Variants in CHD8 observed in about 807,000 individuals in gnomAD.
CHD8 encodes chromodomain helicase DNA binding protein 8.
A neutral mutation model predicts 279.2 loss-of-function variants in CHD8; 31 were observed. That is an observed-to-expected ratio of 0.11 (90% CI 0.08 to 0.15). The LOEUF is 0.15. Among genes scored for constraint, CHD8 ranks in the 10% least tolerant of loss-of-function variants. CHD8 has a pLI of 1.00. For missense variants in CHD8, 2,146 were observed against 3,230.5 expected (o/e 0.66, Z 8.14); for synonymous variants, 1,081 against 1,139.6 (o/e 0.95, Z 1.04).
intron 10 of CHD8, among the ~76,000 whole-genome samples, chr14:21,412,563 ATATTCACAAATTTAGG>A (rs1285499696): frequency 6.6e-6 from 1 of 152,160 alleles, no homozygotes; most frequent in Non-Finnish European, 1.5e-5. Context: ...AAGTATTTTT[ATATTCACAAATTTAGG>A]AATTTGTGAA....
At chr14:21,447,548 T>C (rs765233397) in intron 1 of CHD8, among the ~76,000 whole-genome samples, 19 of 152,170 alleles carry the variant, frequency 1.2e-4, no homozygotes, top group Non-Finnish European at 2.4e-4. Flanking sequence ...ATTTTTGTAT[T>C]TTTAGTAGAG....
intron 37 of CHD8, among the ~76,000 whole-genome samples, chr14:21,388,174 G>C (rs1407319838): frequency 6.6e-6 from 1 of 152,116 alleles, no homozygotes; most frequent in Non-Finnish European, 1.5e-5. Context: ...CTTGTTAAAT[G>C]CAAAATATTG....
intron 5 of CHD8, among the ~76,000 whole-genome samples, chr14:21,425,102 C>T (rs1055900272): frequency 7.2e-5 from 11 of 152,118 alleles, no homozygotes; most frequent in African/African-American, 2.2e-4. Flanking sequence ...TCTCTTCCAA[C>T]GTCCCTCATC....
In CHD8 at chr14:21,405,211, T is replaced by A. The variant is rs369247427; in HGVS notation, c.3305A>T (p.Asn1102Ile). 36 of 1,613,618 alleles carry A rather than the reference T, an allele frequency of 2.2e-5. No individual in the cohort carries two copies. The highest frequency in any genetic ancestry group is 3.1e-5 in the Non-Finnish European group (36 of 1,179,756). Residue 1102 changes from asparagine to isoleucine, a missense_variant and splice_region_variant, in exon 16 of 38, where the codon AAT becomes ATT. By Grantham distance (149) the Asn-to-Ile change is moderately radical. Transcript: ENST00000646647. This position sits in a 1 kb window ranked among gnomAD's most constrained non-coding sequence, Gnocchi z 4.2. ...GTATATACCAAGCATTCCCTCACCA[T>A]TGATGAGATATGGGTGGTTGCAGCA... ...RKCCNHPYLINGAEEKILTEF... is the reference protein window; with the variant it reads ...RKCCNHPYLIIGAEEKILTEF...
At chr14:21,454,197 G>A (rs1350860437) in intron 1 of CHD8, among the ~76,000 whole-genome samples, 4 of 148,924 alleles carry the variant, frequency 2.7e-5, no homozygotes, top group African/African-American at 7.7e-5. Flanking sequence ...GAAAAGAAAA[G>A]AAAAGAAAAG....
intron 1 of CHD8, chr14:21,437,167 C>A: frequency 9.1e-7 from 1 of 1,102,804 alleles, no homozygotes; most frequent in African/African-American, 1.6e-5. Flanking sequence ...TGTGCCTCAC[C>A]CCAGTGGAGG....
At chr14:21,417,184 T>C (rs1420065420) in intron 5 of CHD8, among the ~76,000 whole-genome samples, 1 of 152,228 alleles carries the variant, frequency 6.6e-6, no homozygotes, top group Non-Finnish European at 1.5e-5. Flanking sequence ...TAAGAATTCA[T>C]ACATTTTTGG....
At chr14:21,437,007 T>A in intron 1 of CHD8, 1 of 1,238,588 alleles carries the variant, frequency 8.1e-7, no homozygotes. Context: ...GCACTTGAGG[T>A]AAGGAGCTAG....
intron 8 of CHD8, 83 bp from the exon 9 acceptor site, chr14:21,414,501 A>G (rs2139496225): frequency 1.4e-6 from 1 of 722,522 alleles, no homozygotes; most frequent in East Asian, 2.7e-5. Flanking sequence ...ATTAGTCAGA[A>G]GCAGACATAA....
chr14:21,393,886 G>C lies in CHD8; in HGVS notation c.5909C>G (p.Ala1970Gly), dbSNP rs770184277. The change falls in exon 32 of 38, where the codon GCA becomes GGA. Residue 1970 changes from alanine (A) to glycine (G), a missense_variant. This residue lies in a region of CHD8 where 513 missense variants were observed against 637.6 expected (regional missense o/e 0.80). Coordinates refer to ENST00000646647, the MANE Select transcript of CHD8 (RefSeq NM_001170629.2). Reference sequence around the variant, plus strand: ...TGACAAGGATGGAGCTGGTGCTCCTGCTTGATGGTTCTGCATATAATTCAT... The same window carrying C: ...TGACAAGGATGGAGCTGGTGCTCCTCCTTGATGGTTCTGCATATAATTCAT... ...ARMNYMQNHQ[A>G]GAPAPSLSRC... 3.1e-6 allele frequency: 5 copies of C among 1,613,844 alleles called. No homozygotes were observed. In the Admixed American group the frequency reaches 8.3e-5, roughly 27 times the overall value.
chr14:21,452,517 C>T (rs565265372), intron 1 of CHD8, among the ~76,000 whole-genome samples: 4 of 151,724 alleles, frequency 2.6e-5, no homozygotes, highest in South Asian at 4.2e-4. Flanking sequence ...TGGTGGCACA[C>T]GCCTTAACCC....
At chr14:21,404,330 C>T (rs1284637036) in intron 16 of CHD8, among the ~76,000 whole-genome samples, 1 of 142,642 alleles carries the variant, frequency 7.0e-6, no homozygotes. Context: ...ACCTGGGAGG[C>T]AGAGTTGCAG....
intron 5 of CHD8, chr14:21,419,728 CAG>C (rs1888929901): frequency 7.7e-5 from 19 of 247,608 alleles, no homozygotes; most frequent in Middle Eastern, 6.6e-4. Context: ...CCCAGGGGCA[CAG>C]TCTTCAGCAC....
At chr14:21,440,141 A>C (rs1889918977) in intron 1 of CHD8, among the ~76,000 whole-genome samples, 1 of 152,204 alleles carries the variant, frequency 6.6e-6, no homozygotes, top group Non-Finnish European at 1.5e-5. Context: ...ACAAGGTGAC[A>C]CATTCAATAA....
At chr14:21,454,189 A>AAAGAC (rs1890328035) in intron 1 of CHD8, among the ~76,000 whole-genome samples, 1 of 149,594 alleles carries the variant, frequency 6.7e-6, no homozygotes, top group African/African-American at 2.5e-5. Context: ...AAAGAAAAGA[A>AAAGAC]AAGAAAAGAA....
Position 21,408,551 on chromosome 14 carries a change from T to C in CHD8, c.2491A>G (p.Asn831Asp). The change falls in exon 13 of 38, where the codon AAC becomes GAC. Residue 831 changes from asparagine (N) to aspartate (D), a missense_variant. Around this residue, in one of 26 missense-constraint regions of CHD8, gnomAD observed 211 missense variants for 464.7 expected, o/e 0.45. Coordinates refer to ENST00000646647, the MANE Select transcript of CHD8 (RefSeq NM_001170629.2). The surrounding 1 kb of genome is among the most constrained non-coding windows in gnomAD (Gnocchi z 4.3). Reference sequence around the variant, plus strand: ...CCCATCTCATCAGCCAGGATGCAGTTCTGCCTGCAGATTCACCATGGGAAA... The same window carrying C: ...CCCATCTCATCAGCCAGGATGCAGTCCTGCCTGCAGATTCACCATGGGAAA... ...WLLFNWYNRQ[N>D]CILADEMGLG... 1 of 1,612,098 alleles carries C rather than the reference T, an allele frequency of 6.2e-7. No homozygotes were observed. Among genetic ancestry groups the C allele is most frequent in the Non-Finnish European group, 8.5e-7 (1 of 1,178,580 alleles).
chr14:21,400,935 C>T lies in CHD8; in HGVS notation c.4310G>A (p.Arg1437His), dbSNP rs1176349106. Residue 1437 changes from arginine (R) to histidine (H), a missense_variant, in exon 22 of 38, where the codon CGT becomes CAT. Coordinates refer to ENST00000646647, the MANE Select transcript of CHD8 (RefSeq NM_001170629.2). The surrounding 1 kb of genome is among the most constrained non-coding windows in gnomAD (Gnocchi z 4.2). ...DERPRSRRHD[R>H]HHAYGRTDCF... ...GTCAGTGCGCCCATAGGCATGATGA[C>T]GGTCATGTCTGCGGGAGCGTGGCCG... The T allele has an allele frequency of 4.3e-6, 7 of 1,613,660 alleles. No homozygotes were observed. The highest frequency in any genetic ancestry group is 1.1e-5 in the South Asian group (1 of 91,054).
chr14:21,386,484 T>C (rs1887242480), intron 37 of CHD8: 1 of 393,900 alleles, frequency 2.5e-6, no homozygotes, highest in African/African-American at 2.0e-5. Flanking sequence ...ATTTCACAAA[T>C]GCTTACCTTT....
Position 21,424,463 on chromosome 14 carries a change from ATTC to A in CHD8, c.1716+1662_1716+1664del, listed in dbSNP as rs932211763. On this transcript the variant is annotated intron_variant, in intron 5 of 37. Coordinates refer to ENST00000646647, the MANE Select transcript of CHD8 (RefSeq NM_001170629.2). ...TTTCCTTTTTAAAACTTTCTCGACTATTCTTTTGTTTTGTTTTGTTTTTTTGAG... is the reference window on the plus strand; with the variant it reads ...TTTCCTTTTTAAAACTTTCTCGACTATTTTGTTTTGTTTTGTTTTTTTGAG... 6.7e-5 allele frequency among the ~76,000 whole-genome samples: 10 copies of A among 150,368 alleles called. 1 individual carries two copies. The highest frequency in any genetic ancestry group is 2.5e-4 in the African/African-American group (10 of 40,422).
Sources: allele counts gnomAD v4.1 joint callset (sites outside exome capture counted in the v4.1 genomes callset), GRCh38; gene constraint gnomAD v4.1.1; regional missense constraint gnomAD v4.1.1; non-coding constraint Gnocchi (gnomAD v3.1); transcripts MANE v1.5; gene names NCBI Gene and HGNC (gene_info 2026-07-23, HGNC 2026-07-21).